The following OPCML variants were observed in gnomAD, a reference collection of about 807,000 sequenced individuals.
The protein encoded by OPCML is opioid-binding protein/cell adhesion molecule.
In OPCML, 13 loss-of-function variants were observed where a neutral mutation model predicts 37.8. The ratio of observed to expected loss-of-function variants is 0.34; its 90% CI spans 0.22 to 0.55. The LOEUF (loss-of-function observed/expected upper bound fraction) is 0.55, where lower values mean the gene tolerates loss of function less well. Among genes scored for constraint, OPCML ranks in the 20% least tolerant of loss-of-function variants. The probability of loss-of-function intolerance (pLI) is 0.91; values close to 1 mark genes in which losing one functional copy is unlikely to be tolerated. For missense variants in OPCML, 341 were observed against 435.6 expected, an observed-to-expected ratio of 0.78 and a Z score of 1.93; for synonymous variants, 176 against 168.8, an observed-to-expected ratio of 1.04 and a Z score of -0.33.
intron 1 of OPCML, among the ~76,000 whole-genome samples, chr11:133,195,440 C>T (rs186068180): frequency 3.3e-5 from 5 of 152,200 alleles, no homozygotes; most frequent in African/African-American, 7.2e-5. Flanking sequence ...CTTGTCCTTG[C>T]GGAACCTCAT....
intron 2 of OPCML, among the ~76,000 whole-genome samples, chr11:132,867,655 A>T (rs1027988667): frequency 3.9e-5 from 6 of 152,150 alleles, no homozygotes; most frequent in African/African-American, 1.4e-4. Context: ...AGACCCAAAG[A>T]GCTGAAGGGT....
intron 1 of OPCML, among the ~76,000 whole-genome samples, chr11:133,019,769 G>A (rs1947414889): frequency 6.6e-6 from 1 of 152,066 alleles, no homozygotes; most frequent in African/African-American, 2.4e-5. Flanking sequence ...GCGCGCATAT[G>A]CCAGGGCTTC....
At chr11:132,888,439 A>AT in intron 2 of OPCML, among the ~76,000 whole-genome samples, 1 of 152,324 alleles carries the variant, frequency 6.6e-6, no homozygotes, top group South Asian at 2.1e-4. Flanking sequence ...AGGGATGCTC[A>AT]TGGAGAAGGA....
At chr11:132,599,064 A>G (rs1278152834) in intron 3 of OPCML, among the ~76,000 whole-genome samples, 2 of 152,138 alleles carry the variant, frequency 1.3e-5, no homozygotes, top group Non-Finnish European at 2.9e-5. Flanking sequence ...GGATCACGTG[A>G]GGCCAGGAGT....
chr11:133,431,969 G>C (rs557038885), intron 1 of OPCML, among the ~76,000 whole-genome samples: 9 of 151,946 alleles, frequency 5.9e-5, no homozygotes, highest in Non-Finnish European at 5.9e-5. Context: ...AAGAGGAATC[G>C]TTATTACTAC....
intron 2 of OPCML, among the ~76,000 whole-genome samples, chr11:132,866,663 A>G (rs1942571151): frequency 6.6e-6 from 1 of 152,248 alleles, no homozygotes; most frequent in Non-Finnish European, 1.5e-5. Flanking sequence ...CATTGTTAAT[A>G]ATGACGAATA....
intron 1 of OPCML, among the ~76,000 whole-genome samples, chr11:133,275,370 T>C (rs1227887208): frequency 6.6e-6 from 1 of 152,174 alleles, no homozygotes; most frequent in African/African-American, 2.4e-5. Context: ...CTTCTCATCA[T>C]TAATTCTTAA....
At chr11:133,294,391 A>G (rs1046956058) in intron 1 of OPCML, among the ~76,000 whole-genome samples, 1 of 152,140 alleles carries the variant, frequency 6.6e-6, no homozygotes, top group Non-Finnish European at 1.5e-5. Flanking sequence ...CCTCCTCTTC[A>G]GCTTGAGCCA....
Position 133,007,685 on chromosome 11 carries a change from T to C in OPCML, c.62-64675A>G, listed in dbSNP as rs1771563418. 4 of 985,234 alleles carry C rather than the reference T, an allele frequency of 4.1e-6. No individual in the cohort carries two copies. The African/African-American group carries it at 7.0e-5, about 17-fold the overall frequency. The allele number at this position is 985,234 out of a possible 1,614,324, so 61.0% of individuals were successfully genotyped here. ...TTGAAATAATAGGCACACAGAGAGA[T>C]GAAGAAATTAAGCCAGAAAAAGTTC... On this transcript the variant is annotated intron_variant, in intron 1 of 7. Coordinates refer to ENST00000524381, the MANE Select transcript of OPCML (RefSeq NM_001012393.5).
intron 1 of OPCML, among the ~76,000 whole-genome samples, chr11:133,523,843 ACTC>A (rs1948438781): frequency 6.6e-6 from 1 of 151,532 alleles, no homozygotes. Context: ...GATAATTTCT[ACTC>A]CTCCTCCTTC....
intron 1 of OPCML, among the ~76,000 whole-genome samples, chr11:133,082,854 G>C (rs1268967003): frequency 6.7e-6 from 1 of 149,584 alleles, no homozygotes; most frequent in African/African-American, 2.4e-5. Flanking sequence ...GCAGGGTGCC[G>C]GGGGCCCCTC....
chr11:133,053,582 TCCTCTTATTCTATTCAGTG>T (rs1377851006), intron 1 of OPCML, among the ~76,000 whole-genome samples: 3 of 152,210 alleles, frequency 2.0e-5, no homozygotes, highest in African/African-American at 7.2e-5. Context: ...TGATGAAATT[TCCTCTTATTCTATTCAGTG>T]CCTTTTAGCA....
chr11:132,540,625 TCTC>T (rs1463350740), intron 3 of OPCML, among the ~76,000 whole-genome samples: 6 of 152,182 alleles, frequency 3.9e-5, no homozygotes, highest in Non-Finnish European at 8.8e-5. Context: ...TGATTGCTAT[TCTC>T]CTCTGGGCTC....
chr11:133,130,105 GCAAA>G (rs1047705134), intron 1 of OPCML, among the ~76,000 whole-genome samples: 6 of 151,800 alleles, frequency 4.0e-5, no homozygotes, highest in East Asian at 1.9e-4. Context: ...TGAAAAATGA[GCAAA>G]CAATCATCTA....
chr11:132,519,149 A>G (rs901625253), intron 4 of OPCML, among the ~76,000 whole-genome samples: 1 of 152,204 alleles, frequency 6.6e-6, no homozygotes, highest in African/African-American at 2.4e-5. Context: ...ACCACAGCTT[A>G]AAGACATCAT....
At chr11:132,782,927 A>ATATATATATATATATG (rs1195208561) in intron 2 of OPCML, among the ~76,000 whole-genome samples, 2 of 146,132 alleles carry the variant, frequency 1.4e-5, no homozygotes, top group Non-Finnish European at 3.0e-5. Context: ...GTATATATAT[A>ATATATATATATATATG]TATATATATA....
At chr11:132,498,329 T>C (rs914147750) in intron 4 of OPCML, among the ~76,000 whole-genome samples, 1 of 152,234 alleles carries the variant, frequency 6.6e-6, no homozygotes, top group South Asian at 2.1e-4. Flanking sequence ...CTGTTTTTTC[T>C]TGTGATTCTC....
At chr11:133,317,389 G>A (rs1053255086) in intron 1 of OPCML, among the ~76,000 whole-genome samples, 9 of 152,044 alleles carry the variant, frequency 5.9e-5, no homozygotes, top group African/African-American at 2.2e-4. Context: ...AAAATCCAGG[G>A]CATTTATCCC....
At chr11:133,429,145 C>A (rs1946065485) in intron 1 of OPCML, among the ~76,000 whole-genome samples, 1 of 152,126 alleles carries the variant, frequency 6.6e-6, no homozygotes, top group Non-Finnish European at 1.5e-5. Context: ...CTCCAGGAAG[C>A]TAATTTTGAG....
Sources: allele counts gnomAD v4.1 joint callset (sites outside exome capture counted in the v4.1 genomes callset), GRCh38; gene constraint gnomAD v4.1.1; transcripts MANE v1.5; gene names NCBI Gene and HGNC (gene_info 2026-07-23, HGNC 2026-07-21).